Variants in CTNNA2 observed in about 807,000 individuals in gnomAD.
The protein encoded by CTNNA2 is catenin alpha 2, also known as catenin alpha-2.
A neutral mutation model predicts 101.0 loss-of-function variants in CTNNA2; 42 were observed. The observed-to-expected ratio is 0.42, with a 90% CI of 0.32 to 0.54. CTNNA2 has a LOEUF of 0.54. CTNNA2 is among the 20% of genes least tolerant of loss of function. The pLI, the probability that CTNNA2 is intolerant of heterozygous loss-of-function variation, is 0.14. For missense variants in CTNNA2, 871 were observed against 1,223.1 expected, an observed-to-expected ratio of 0.71 and a Z score of 4.29; for synonymous variants, 450 against 456.4, an observed-to-expected ratio of 0.99 and a Z score of 0.18.
rs537873939 is a variant in CTNNA2 at position 79,452,191 on chromosome 2, G to A, written c.-134-52863G>A. ...ATCACTGCCCCAAAGAAGTGAATGC[G>A]TAGCTGAGAAGGCAAAAGTGCCTTC... On this transcript the variant is annotated intron_variant, in intron 4 of 21. Transcript: ENST00000466387. Among the ~76,000 whole-genome samples the A allele has an allele frequency of 1.7e-4, 26 of 152,202 alleles. No individual in the cohort carries two copies. The South Asian group carries it at 2.9e-3, about 17-fold the overall frequency.
rs117478183 is a variant in CTNNA2, at chr2:80,090,276, T to C, written c.1056+180479T>C. ...CACACAGTCTGTGTGCTTGTATGTA[T>C]GTGTTTGCATATGCTCAATGAGTGC... On this transcript the variant is annotated intron_variant, in intron 7 of 18. Transcript: ENST00000402739. 7.2e-4 allele frequency among the ~76,000 whole-genome samples: 110 copies of C among 151,972 alleles called. No homozygotes were observed. In the East Asian group the frequency reaches 0.02, roughly 28 times the overall value.
At position 80,311,419 on chromosome 2, in the gene CTNNA2, G is replaced by A. The variant is rs145558525; in HGVS notation, c.1057-81792G>A. ...CTCTCCTTCATCTGGCTGGGGCCCC[G>A]ACCTGTATTTCTGTCTGCCTTTGTT... On this transcript the variant is annotated intron_variant, in intron 7 of 18. Transcript: ENST00000402739. 1.4e-4 allele frequency among the ~76,000 whole-genome samples: 22 copies of A among 152,188 alleles called. No homozygotes were observed. In the East Asian group the frequency reaches 3.9e-3, roughly 27 times the overall value.
chr2:79,299,131 G>A (rs1676048424), intron 2 of CTNNA2, among the ~76,000 whole-genome samples: 2 of 152,128 alleles, frequency 1.3e-5, no homozygotes, highest in Admixed American at 1.3e-4. Context: ...TTCCCCAAGT[G>A]GATACAGCAA....
At chr2:80,541,036 A>G (rs1691509359) in intron 9 of CTNNA2, among the ~76,000 whole-genome samples, 1 of 152,168 alleles carries the variant, frequency 6.6e-6, no homozygotes, top group South Asian at 2.1e-4. Flanking sequence ...GAAGCTAAGG[A>G]TCATTTGCTG....
rs758473817 is a variant in CTNNA2 at position 79,874,360 on chromosome 2, G to GTA, written c.852+19_852+20dup. Reference sequence around the variant, plus strand: ...AGTTTGACGTAAGCATCCTGGTGAGGTACACAGAGGGGTGGGCACTGGTGT... The same window carrying GTA: ...AGTTTGACGTAAGCATCCTGGTGAGGTATACACAGAGGGGTGGGCACTGGTGT... On this transcript the variant is annotated intron_variant, in intron 6 of 18. Coordinates refer to ENST00000402739, the MANE Select transcript of CTNNA2 (RefSeq NM_001282597.3). The GTA allele has an allele frequency of 2.5e-5, 40 of 1,609,996 alleles. No individual in the cohort carries two copies. In the Admixed American group the frequency reaches 6.7e-4, roughly 27 times the overall value.
rs533429343 is a variant in CTNNA2, at chr2:79,532,035, G to C, written c.-6+18828G>C. Among the ~76,000 whole-genome samples, 6 of 152,188 alleles carry C rather than the reference G, an allele frequency of 3.9e-5. No individual in the cohort carries two copies. The East Asian group carries it at 9.6e-4, about 24-fold the overall frequency. ...CATATGAATAATGTTAATTGAGAAG[G>C]CCTAAAGAGTTTTCCTGAACTCTGT... is the stretch of plus-strand genomic sequence containing the variant. On this transcript the variant is annotated intron_variant, in intron 1 of 18. Coordinates refer to ENST00000402739, the MANE Select transcript of CTNNA2 (RefSeq NM_001282597.3).
chr2:80,558,443 GGT>G (rs71931933), intron 12 of CTNNA2, among the ~76,000 whole-genome samples: 126,463 of 147,522 alleles, frequency 0.86, 55,513 homozygotes, highest in South Asian at 0.95. Flanking sequence ...AAGTTTTGTT[GGT>G]GTGTGTGTGT....
chr2:79,731,495 GGAGATGTGATA>G (rs1306351426), intron 2 of CTNNA2, among the ~76,000 whole-genome samples: 1 of 152,106 alleles, frequency 6.6e-6, no homozygotes, highest in Non-Finnish European at 1.5e-5. Flanking sequence ...TAAAAGACAA[GGAGATGTGATA>G]GCTTGTGGCT....
chr2:80,259,766 G>A (rs1672453849), intron 7 of CTNNA2, among the ~76,000 whole-genome samples: 1 of 152,210 alleles, frequency 6.6e-6, no homozygotes. Flanking sequence ...ATAGGTTTCA[G>A]CCTTTGTTTT....
intron 7 of CTNNA2, among the ~76,000 whole-genome samples, chr2:80,021,305 C>T (rs1694549719): frequency 6.6e-6 from 1 of 152,120 alleles, no homozygotes; most frequent in South Asian, 2.1e-4. Context: ...CAGGTGTGAG[C>T]CACCACGCCC....
intron 9 of CTNNA2, among the ~76,000 whole-genome samples, chr2:80,501,640 A>G (rs1358146406): frequency 6.6e-6 from 1 of 152,200 alleles, no homozygotes; most frequent in Non-Finnish European, 1.5e-5. Context: ...TCAGTGAAAG[A>G]TTTGGGTGCA....
At chr2:79,965,109 G>A (rs1374020152) in intron 7 of CTNNA2, among the ~76,000 whole-genome samples, 1 of 152,160 alleles carries the variant, frequency 6.6e-6, no homozygotes, top group Non-Finnish European at 1.5e-5. Context: ...GTCACTCCGA[G>A]GAGTCATTTT....
intron 2 of CTNNA2, among the ~76,000 whole-genome samples, chr2:79,294,936 G>T (rs951370479): frequency 6.6e-6 from 1 of 151,796 alleles, no homozygotes; most frequent in African/African-American, 2.4e-5. Context: ...ATTTGCTATT[G>T]TATACAATGT....
At chr2:80,340,409 G>C (rs17018999) in intron 7 of CTNNA2, among the ~76,000 whole-genome samples, 20,289 of 152,154 alleles carry the variant, frequency 0.13, 3,041 homozygotes, top group African/African-American at 0.37. Flanking sequence ...GCAAAGTTTT[G>C]ATTGCTGTGA....
intron 7 of CTNNA2, among the ~76,000 whole-genome samples, chr2:79,973,350 C>G (rs1016770886): frequency 1.3e-5 from 2 of 151,894 alleles, no homozygotes; most frequent in Non-Finnish European, 2.9e-5. Context: ...CGAAGTTGGC[C>G]CTGAGGAAAT....
intron 2 of CTNNA2, among the ~76,000 whole-genome samples, chr2:79,736,820 A>G (rs1379733962): frequency 6.6e-6 from 1 of 152,210 alleles, no homozygotes; most frequent in Non-Finnish European, 1.5e-5. Flanking sequence ...GTCTTTAGGC[A>G]TCTAGCAAAA....
intron 3 of CTNNA2, among the ~76,000 whole-genome samples, chr2:79,808,058 AT>A (rs1676718082): frequency 6.6e-6 from 1 of 152,210 alleles, no homozygotes; most frequent in Non-Finnish European, 1.5e-5. Context: ...TTTACGTGAC[AT>A]TTAACTTGTA....
intron 7 of CTNNA2, among the ~76,000 whole-genome samples, chr2:80,306,223 C>T (rs1049004071): frequency 6.6e-6 from 1 of 152,106 alleles, no homozygotes; most frequent in African/African-American, 2.4e-5. Flanking sequence ...TCTGAAATGT[C>T]CTAGACATCA....
intron 7 of CTNNA2, among the ~76,000 whole-genome samples, chr2:80,346,052 A>G (rs956432788): frequency 7.9e-5 from 12 of 152,170 alleles, no homozygotes; most frequent in African/African-American, 2.7e-4. Flanking sequence ...TCTGATCACA[A>G]TTTTTTTGAA....
Sources: allele counts gnomAD v4.1 joint callset (sites outside exome capture counted in the v4.1 genomes callset), GRCh38; gene constraint gnomAD v4.1.1; transcripts MANE v1.5; gene names NCBI Gene and HGNC (gene_info 2026-07-23, HGNC 2026-07-21).